The following COX15 variants were observed in gnomAD, a reference collection of about 807,000 sequenced individuals.
The protein encoded by COX15 is cytochrome c oxidase assembly factor COX15, also known as heme A synthase COX15.
A neutral mutation model predicts 51.9 loss-of-function variants in COX15; 51 were observed. That is an observed-to-expected ratio of 0.98 (90% CI 0.78 to 1.24). The LOEUF is 1.24. Ranked by LOEUF, COX15 falls within the 50% of genes most tolerant of loss-of-function variation. COX15 has a pLI of 0.00. For synonymous variants in COX15, 188 were observed against 190.5 expected, an observed-to-expected ratio of 0.99 and a Z score of 0.11; for missense variants, 420 against 501.1, an observed-to-expected ratio of 0.84 and a Z score of 1.55.
chr10:99,710,285 C>T, downstream of COX15: 3 of 985,406 alleles, frequency 3.0e-6, no homozygotes, highest in Non-Finnish European at 3.6e-6. Context: ...CAGACACATA[C>T]TTTGGTTTCT....
chr10:99,715,639 TAAA>T (rs573115316), intron 8 of COX15, among the ~76,000 whole-genome samples: 3 of 127,458 alleles, frequency 2.4e-5, no homozygotes, highest in African/African-American at 2.9e-5. Context: ...ACTCCATCTC[TAAA>T]AAAAAAAAAA....
downstream of COX15, chr10:99,709,133 A>T: frequency 1.0e-6 from 1 of 983,904 alleles, no homozygotes; most frequent in Non-Finnish European, 1.2e-6. Context: ...ACATCCAAGC[A>T]ATTCATTAGA....
the COX15 span, chr10:99,704,780 C>T: frequency 8.9e-7 from 1 of 1,124,788 alleles, no homozygotes; most frequent in Non-Finnish European, 1.3e-6. Context: ...TGATGTCTGA[C>T]CTTGTGGATA....
At chr10:99,695,922 A>T in the COX15 span, 1 of 1,573,194 alleles carries the variant, frequency 6.4e-7, no homozygotes, top group Non-Finnish European at 8.6e-7. Context: ...AACCAAAACT[A>T]AAATTCCCTT....
At chr10:99,703,787 T>G in the COX15 span, among the ~76,000 whole-genome samples, 1 of 152,154 alleles carries the variant, frequency 6.6e-6, no homozygotes, top group Non-Finnish European at 1.5e-5. Context: ...AGTGCCGTGT[T>G]CATAGCTCAC....
chr10:99,701,572 G>A, the COX15 span, among the ~76,000 whole-genome samples: 2 of 151,730 alleles, frequency 1.3e-5, no homozygotes, highest in African/African-American at 2.4e-5. Flanking sequence ...ACAGGTATGA[G>A]CCACCGGGCC....
intron 7 of COX15, among the ~76,000 whole-genome samples, chr10:99,717,788 C>T (rs2036622240): frequency 1.3e-5 from 2 of 152,222 alleles, no homozygotes; most frequent in Admixed American, 1.3e-4. Flanking sequence ...CATTACGCAG[C>T]AGCACTATGC....
chr10:99,724,806 G>A (rs1432260185), intron 4 of COX15, among the ~76,000 whole-genome samples: 1 of 151,652 alleles, frequency 6.6e-6, no homozygotes, highest in African/African-American at 2.4e-5. Flanking sequence ...CTTAATAAAG[G>A]TAAATGCTTA....
In COX15 at chr10:99,712,951, A is replaced by G; in HGVS notation, c.*1636T>C. ...TCTCTCTCCAGATGTTCTCTGCTCC[A>G]GTTAAATATCCCTAGTTCCTTCACC... On this transcript the variant is annotated 3_prime_UTR_variant, in exon 9 of 9. Transcript: ENST00000016171. 1 of 923,100 alleles carries G rather than the reference A, an allele frequency of 1.1e-6. No individual in the cohort carries two copies. Among genetic ancestry groups the G allele is most frequent in the South Asian group, 4.5e-5 (1 of 22,372 alleles). 57.2% of individuals were successfully genotyped at this position (923,100 alleles called of 1,614,324 possible).
chr10:99,714,840 C>T, intron 8 of COX15, 122 bp from the exon 9 acceptor site: 3 of 1,524,196 alleles, frequency 2.0e-6, no homozygotes, highest in Non-Finnish European at 2.7e-6. Flanking sequence ...TTAAAATACA[C>T]ACATTTTTAA....
intron 6 of COX15, among the ~76,000 whole-genome samples, chr10:99,719,852 TA>T (rs1202063926): frequency 2.0e-5 from 3 of 152,254 alleles, no homozygotes; most frequent in African/African-American, 7.2e-5. Flanking sequence ...ATGCCAAAAA[TA>T]AAAGTGTTGA....
At chr10:99,702,533 T>C in the COX15 span, 65 of 1,595,724 alleles carry the variant, frequency 4.1e-5, no homozygotes, top group Admixed American at 7.1e-5. Flanking sequence ...TTAAATCGGC[T>C]TGGATGTACC....
chr10:99,709,623 T>G (rs1168292643), downstream of COX15: 4 of 985,316 alleles, frequency 4.1e-6, no homozygotes, highest in East Asian at 4.5e-4. Context: ...TGGCTCATTC[T>G]CTCATAACCT....
At chr10:99,705,075 C>T in the COX15 span, 1 of 213,536 alleles carries the variant, frequency 4.7e-6, no homozygotes, top group Admixed American at 5.2e-5. Context: ...TGATACAAAG[C>T]CAGAGACATT....
chr10:99,730,885 A>AC (rs915615280), intron 1 of COX15, among the ~76,000 whole-genome samples: 2 of 151,972 alleles, frequency 1.3e-5, no homozygotes, highest in African/African-American at 4.8e-5. Flanking sequence ...ATGTAGCGAG[A>AC]CCCCCTATCT....
intron 3 of COX15, 98 bp downstream of exon 3, chr10:99,727,343 C>A: frequency 3.8e-6 from 6 of 1,558,650 alleles, no homozygotes; most frequent in East Asian, 2.2e-5. Flanking sequence ...CATAACTGAA[C>A]CGAAGTTCAT....
In COX15 at chr10:99,729,736, T is replaced by G; in HGVS notation, c.91-2A>C. 1 of 1,613,942 alleles carries G rather than the reference T, an allele frequency of 6.2e-7. No homozygotes were observed. Among genetic ancestry groups the G allele is most frequent in the Non-Finnish European group, 8.5e-7 (1 of 1,179,986 alleles). ...CAAAGGGCGCCTGATGCAATCACACTAAAGATCAAGATAGACAAATTACAA... is the reference window on the plus strand; with the variant it reads ...CAAAGGGCGCCTGATGCAATCACACGAAAGATCAAGATAGACAAATTACAA... On this transcript the variant is annotated splice_acceptor_variant, in intron 1 of 8. Coordinates refer to ENST00000016171, the MANE Select transcript of COX15 (RefSeq NM_078470.6). LOFTEE classifies it high-confidence loss of function.
intron 7 of COX15, among the ~76,000 whole-genome samples, chr10:99,717,975 G>A (rs1195799835): frequency 6.6e-6 from 1 of 152,200 alleles, no homozygotes; most frequent in African/African-American, 2.4e-5. Context: ...CGAGAGCTAC[G>A]TGCTTAGCAG....
At chr10:99,705,728 A>C in the COX15 span, 2 of 152,288 alleles carry the variant, frequency 1.3e-5, no homozygotes, top group East Asian at 3.9e-4. Flanking sequence ...TCAATTTATG[A>C]CTCTTGGAAT....
Sources: gnomAD v4.1 joint callset for allele counts (sites outside exome capture counted in the v4.1 genomes callset) on GRCh38, gnomAD v4.1.1 for gene constraint, MANE v1.5 for transcripts, NCBI Gene and HGNC (gene_info 2026-07-23, HGNC 2026-07-21) for gene names.